The following SPPL2A variants were observed in gnomAD, a reference collection of about 807,000 sequenced individuals.
SPPL2A encodes signal peptide peptidase-like 2A.
In SPPL2A, 51 loss-of-function variants were observed where a neutral mutation model predicts 63.8. The observed-to-expected ratio is 0.80, with a 90% confidence interval of 0.64 to 1.01. The LOEUF (loss-of-function observed/expected upper bound fraction) is 1.01. Ranked by LOEUF, SPPL2A falls within the 50% of genes least tolerant of loss-of-function variation. The pLI is 0.00. For missense variants in SPPL2A, 553 were observed against 622.7 expected, an observed-to-expected ratio of 0.89 and a Z score of 1.19; for synonymous variants, 188 against 205.8, an observed-to-expected ratio of 0.91 and a Z score of 0.74.
chr15:50,742,590 G>A (rs961388028), intron 5 of SPPL2A: 1 of 152,024 alleles, frequency 6.6e-6, no homozygotes, highest in African/African-American at 2.4e-5. Context: ...TGGGCCTTAT[G>A]TTTTTAATAA....
chr15:50,764,023 C>T (rs555390565), intron 1 of SPPL2A, among the ~76,000 whole-genome samples: 90 of 152,256 alleles, frequency 5.9e-4, no homozygotes, highest in African/African-American at 1.9e-3. Flanking sequence ...GACAAGTCTA[C>T]TTAAGTAGAG....
intron 1 of SPPL2A, among the ~76,000 whole-genome samples, chr15:50,761,745 G>A (rs1429629345): frequency 6.6e-6 from 1 of 152,052 alleles, no homozygotes; most frequent in Admixed American, 6.6e-5. Context: ...AGACCAGCCT[G>A]GGCAACACAG....
chr15:50,736,145 GCA>G lies in SPPL2A; in HGVS notation c.886_887del (p.Cys296HisfsTer13). On this transcript the variant is annotated frameshift_variant, in exon 8 of 15. Coordinates refer to ENST00000261854, the MANE Select transcript of SPPL2A (RefSeq NM_032802.4). LOFTEE classifies it high-confidence loss of function. ...CAGCCCAAACAACAGCTACTGCTAT[GCA>G]CAGTCCAGAGAGAAAAATAAGTCTC... Reference protein sequence around the residue: ...EVRLIFLSGLCIAVAVVWAVF... With the variant: ...EVRLIFLSGLXIAVAVVWAVF... The G allele has an allele frequency of 3.1e-6, 5 of 1,612,938 alleles. No individual in the cohort carries two copies. Among genetic ancestry groups the G allele is most frequent in the Non-Finnish European group, 4.2e-6 (5 of 1,179,372 alleles).
chr15:50,719,490 C>A (rs1334378011), intron 14 of SPPL2A, among the ~76,000 whole-genome samples: 1 of 152,234 alleles, frequency 6.6e-6, no homozygotes, highest in Non-Finnish European at 1.5e-5. Flanking sequence ...GGTGATCCAT[C>A]TGCCTCGGCC....
At position 50,705,971 on chromosome 15, in the gene SPPL2A, CCT is replaced by C. The variant is rs2141013321; in HGVS notation, c.*1827_*1828del. On this transcript the variant is annotated 3_prime_UTR_variant, in exon 15 of 15. Coordinates refer to ENST00000261854, the MANE Select transcript of SPPL2A (RefSeq NM_032802.4). ...AAAAGAAAATGGAAAGATAATTTGA[CCT>C]CTGACTTCCAGGAGAATGTTCAGGC... The C allele has an allele frequency of 6.6e-6, 1 of 152,238 alleles. No individual in the cohort carries two copies. The highest frequency in any genetic ancestry group is 1.9e-4 in the East Asian group (1 of 5,186). 9.4% of individuals were successfully genotyped at this position (152,238 alleles called of 1,614,324 possible).
rs1173262149 is a variant in SPPL2A at position 50,707,647 on chromosome 15, T to C, written c.*153A>G. 10 of 573,152 alleles carry C rather than the reference T, an allele frequency of 1.7e-5. No individual in the cohort carries two copies. The highest frequency in any genetic ancestry group is 3.1e-5 in the Non-Finnish European group (10 of 321,840). 35.5% of individuals were successfully genotyped at this position (573,152 alleles called of 1,614,324 possible). Reference sequence around the variant, plus strand: ...ATTAAAAGCAAAGCGTTTTAGTTATTTATGATGTAACTGTCAGTACCAGCT... The same window carrying C: ...ATTAAAAGCAAAGCGTTTTAGTTATCTATGATGTAACTGTCAGTACCAGCT... On this transcript the variant is annotated 3_prime_UTR_variant, in exon 15 of 15. Coordinates refer to ENST00000261854, the MANE Select transcript of SPPL2A (RefSeq NM_032802.4).
intron 1 of SPPL2A, among the ~76,000 whole-genome samples, chr15:50,757,881 G>A (rs1301937109): frequency 6.6e-6 from 1 of 151,792 alleles, no homozygotes; most frequent in Non-Finnish European, 1.5e-5. Flanking sequence ...CTACTCGGGA[G>A]GCTGAGGCCT....
chr15:50,734,853 C>T (rs2062757880), intron 8 of SPPL2A, among the ~76,000 whole-genome samples: 1 of 152,156 alleles, frequency 6.6e-6, no homozygotes, highest in Non-Finnish European at 1.5e-5. Context: ...AAAGTATAGA[C>T]TGTGCTCCTT....
At chr15:50,724,889 ATAAG>A (rs1437767674) in intron 12 of SPPL2A, among the ~76,000 whole-genome samples, 2 of 152,240 alleles carry the variant, frequency 1.3e-5, no homozygotes, top group African/African-American at 2.4e-5. Context: ...ATCTTAAAAT[ATAAG>A]TAATATAAAC....
intron 5 of SPPL2A, among the ~76,000 whole-genome samples, chr15:50,743,986 C>A (rs562696812): frequency 6.6e-6 from 1 of 151,736 alleles, no homozygotes; most frequent in African/African-American, 2.4e-5. Flanking sequence ...ACCAACCTGG[C>A]CAACATGGCG....
At chr15:50,757,127 G>T (rs2062965015) in intron 1 of SPPL2A, among the ~76,000 whole-genome samples, 1 of 129,854 alleles carries the variant, frequency 7.7e-6, no homozygotes, top group South Asian at 2.4e-4. Flanking sequence ...CTGTCGCCCA[G>T]GCTGGAGTGC....
At chr15:50,750,466 G>C (rs1403244886) in intron 1 of SPPL2A, among the ~76,000 whole-genome samples, 2 of 151,864 alleles carry the variant, frequency 1.3e-5, no homozygotes, top group East Asian at 3.8e-4. Flanking sequence ...AGGGTACAAA[G>C]AAAAAAAGTA....
At chr15:50,733,911 G>A (rs1266356621) in intron 8 of SPPL2A, among the ~76,000 whole-genome samples, 3 of 152,028 alleles carry the variant, frequency 2.0e-5, no homozygotes, top group African/African-American at 7.2e-5. Flanking sequence ...ATGAAAAAAT[G>A]CTCAACATCT....
chr15:50,723,318 AG>A (rs1353249606), intron 12 of SPPL2A, among the ~76,000 whole-genome samples: 2 of 152,240 alleles, frequency 1.3e-5, no homozygotes, highest in African/African-American at 4.8e-5. Context: ...ATATATCCAA[AG>A]GAACTGAAAT....
chr15:50,716,306 C>T (rs1205215446), intron 14 of SPPL2A, among the ~76,000 whole-genome samples: 4 of 152,034 alleles, frequency 2.6e-5, no homozygotes, highest in Non-Finnish European at 4.4e-5. Flanking sequence ...GCACTTCTTC[C>T]GCCTCAGCCT....
intron 4 of SPPL2A, chr15:50,747,883 TGACAA>T: frequency 2.2e-6 from 1 of 463,650 alleles, no homozygotes; most frequent in Non-Finnish European, 3.8e-6. Context: ...ATAAATGACA[TGACAA>T]GAGATTTTTA....
chr15:50,718,669 CAAAG>C (rs142442105), intron 14 of SPPL2A, among the ~76,000 whole-genome samples: 3,198 of 152,162 alleles, frequency 0.021, 120 homozygotes, highest in African/African-American at 0.074. Context: ...AACCAAATCT[CAAAG>C]AAATGTTAAG....
rs370301785 is a variant in SPPL2A, at chr15:50,725,339, A to G, written c.1147-16T>C. ...CTACTGGCAACTGTTCAAAAACAAA[A>G]CAAAACAAAACAAAACAAAACAAAA... On this transcript the variant is annotated splice_polypyrimidine_tract_variant and intron_variant, in intron 11 of 14. Transcript: ENST00000261854. The G allele has an allele frequency of 8.2e-7, 1 of 1,218,418 alleles. No homozygotes were observed. Among genetic ancestry groups the G allele is most frequent in the African/African-American group, 1.6e-5 (1 of 64,100 alleles). 75.5% of individuals were successfully genotyped at this position (1,218,418 alleles called of 1,614,324 possible).
chr15:50,736,809 C>A, intron 6 of SPPL2A, 69 bp from the exon 7 acceptor site: 1 of 757,822 alleles, frequency 1.3e-6, no homozygotes, highest in Non-Finnish European at 2.3e-6. Flanking sequence ...TTTATACAAG[C>A]AATATTAATT....
Sources: gnomAD v4.1 joint callset for allele counts (sites outside exome capture counted in the v4.1 genomes callset) on GRCh38, gnomAD v4.1.1 for gene constraint, MANE v1.5 for transcripts, NCBI Gene and HGNC (gene_info 2026-07-23, HGNC 2026-07-21) for gene names.